WWOX: variants seen among roughly 807,000 people sequenced by gnomAD.
The protein encoded by WWOX is WW domain-containing oxidoreductase.
A neutral mutation model predicts 46.2 loss-of-function variants in WWOX; 69 were observed. The ratio of observed to expected loss-of-function variants is 1.49; its 90% CI spans 1.23 to 1.82. The LOEUF is 1.82. Ranked by LOEUF, WWOX falls within the 40% of genes most tolerant of loss-of-function variation. The probability of loss-of-function intolerance (pLI) is 0.00; values close to 1 mark genes in which losing one functional copy is unlikely to be tolerated. For synonymous variants in WWOX, 359 were observed against 202.6 expected (o/e 1.77, Z -6.56); for missense variants, 919 against 542.6 (o/e 1.69, Z -6.89).
chr16:78,612,298 A>G (rs937963043), intron 8 of WWOX, among the ~76,000 whole-genome samples: 1 of 152,174 alleles, frequency 6.6e-6, no homozygotes, highest in Non-Finnish European at 1.5e-5. Flanking sequence ...GTTGATTTCT[A>G]AAGGAGGTAA....
chr16:78,355,615 T>A, intron 5 of WWOX: 2 of 569,456 alleles, frequency 3.5e-6, no homozygotes, highest in Admixed American at 2.0e-5. Context: ...AGCGAATTTG[T>A]GTGAAAATGA....
At chr16:78,974,690 C>G (rs953280160) in intron 8 of WWOX, among the ~76,000 whole-genome samples, 4 of 152,162 alleles carry the variant, frequency 2.6e-5, no homozygotes, top group African/African-American at 9.7e-5. Flanking sequence ...CTGTGGCTAC[C>G]TAATGGTGTT....
intron 6 of WWOX, among the ~76,000 whole-genome samples, chr16:78,396,850 G>A (rs566494954): frequency 2.0e-5 from 3 of 152,158 alleles, no homozygotes; most frequent in African/African-American, 7.2e-5. Flanking sequence ...AAATAACTGG[G>A]TGTGGCTGTG....
At chr16:78,702,100 T>TTATATATATATATATATATA (rs72067397) in intron 8 of WWOX, among the ~76,000 whole-genome samples, 52 of 81,220 alleles carry the variant, frequency 6.4e-4, no homozygotes, top group African/African-American at 3.5e-3. Flanking sequence ...ATCTATAAAG[T>TTATATATATATATATATATA]TATATATATA....
intron 8 of WWOX, among the ~76,000 whole-genome samples, chr16:79,102,526 G>C (rs1043188750): frequency 6.6e-6 from 1 of 152,180 alleles, no homozygotes; most frequent in African/African-American, 2.4e-5. Context: ...ATTGTTAAAA[G>C]TTGCTGAAAC....
At chr16:78,365,597 A>T (rs2151916693) in intron 5 of WWOX, among the ~76,000 whole-genome samples, 1 of 152,308 alleles carries the variant, frequency 6.6e-6, no homozygotes, top group Middle Eastern at 3.4e-3. Context: ...TGTTGCTTGT[A>T]ATTCTTTCCA....
chr16:79,092,845 C>CA (rs2048991327), intron 8 of WWOX, among the ~76,000 whole-genome samples: 1 of 152,174 alleles, frequency 6.6e-6, no homozygotes, highest in South Asian at 2.1e-4. Flanking sequence ...TCAGGCCCCT[C>CA]AGCCCTCATA....
At chr16:79,013,622 T>G (rs1292514336) in intron 8 of WWOX, among the ~76,000 whole-genome samples, 1 of 152,088 alleles carries the variant, frequency 6.6e-6, no homozygotes, top group Non-Finnish European at 1.5e-5. Context: ...TTAGGTCCTG[T>G]GCTGCCTGGG....
chr16:79,057,297 G>T (rs1292081822), intron 8 of WWOX, among the ~76,000 whole-genome samples: 1 of 152,184 alleles, frequency 6.6e-6, no homozygotes, highest in East Asian at 1.9e-4. Flanking sequence ...CAGCATGGGG[G>T]CATGAATTGC....
At chr16:79,181,612 C>T (rs1567602678) in intron 8 of WWOX, among the ~76,000 whole-genome samples, 1 of 151,962 alleles carries the variant, frequency 6.6e-6, no homozygotes, top group Non-Finnish European at 1.5e-5. Flanking sequence ...CCAAAGTTTG[C>T]TTAACATCCC....
chr16:78,882,232 T>C (rs773298843), intron 8 of WWOX, among the ~76,000 whole-genome samples: 1 of 152,268 alleles, frequency 6.6e-6, no homozygotes, highest in Admixed American at 6.5e-5. Context: ...AACATGTGTA[T>C]AGTATGTTAT....
At chr16:79,120,293 T>C (rs987514188) in intron 8 of WWOX, among the ~76,000 whole-genome samples, 1 of 152,142 alleles carries the variant, frequency 6.6e-6, no homozygotes, top group East Asian at 1.9e-4. Context: ...CAGAGAGTCA[T>C]TCTCAAGGTA....
At chr16:78,880,774 A>T (rs2656616) in intron 8 of WWOX, among the ~76,000 whole-genome samples, 133,912 of 152,116 alleles carry the variant, frequency 0.88, 60,251 homozygotes, top group Non-Finnish European at 0.97. Flanking sequence ...TCAAAGAACT[A>T]ACTGTATCAA....
chr16:78,749,869 A>G (rs1391309997), intron 8 of WWOX, among the ~76,000 whole-genome samples: 1 of 152,162 alleles, frequency 6.6e-6, no homozygotes, highest in Non-Finnish European at 1.5e-5. Flanking sequence ...GTGGTTATTT[A>G]ATACCAAGTT....
At chr16:78,746,295 C>G (rs751370103) in intron 8 of WWOX, among the ~76,000 whole-genome samples, 1 of 152,088 alleles carries the variant, frequency 6.6e-6, no homozygotes, top group Non-Finnish European at 1.5e-5. Context: ...GCCAGGTGTT[C>G]AAGACCAGCC....
chr16:78,634,797 C>G (rs941071123), intron 8 of WWOX, among the ~76,000 whole-genome samples: 2 of 147,594 alleles, frequency 1.4e-5, no homozygotes, highest in Non-Finnish European at 3.0e-5. Flanking sequence ...AGTTTAGAGG[C>G]TCAGCACCCG....
In WWOX at chr16:78,723,553, CCTTCTTTTCTTTT is replaced by C. The variant is rs1379917460; in HGVS notation, c.1056+290805_1056+290817del. On this transcript the variant is annotated intron_variant, in intron 8 of 8. Transcript: ENST00000566780. ...ACACTTCTTCTACCTTGATTCCCAG[CCTTCTTTTCTTTT>C]CTTTTCTTTTCTTTTCTTTTCTTTT... 4.8e-5 allele frequency among the ~76,000 whole-genome samples: 7 copies of C among 145,210 alleles called. No individual in the cohort carries two copies. The East Asian group carries it at 8.4e-4, about 18-fold the overall frequency.
intron 1 of WWOX, 95 bp from the exon 2 acceptor site, chr16:78,108,328 C>A (rs2032280768): frequency 1.6e-6 from 2 of 1,251,956 alleles, no homozygotes; most frequent in Non-Finnish European, 2.3e-6. Flanking sequence ...CTTCTTATAT[C>A]TGGCTATCTG....
intron 8 of WWOX, among the ~76,000 whole-genome samples, chr16:78,461,522 C>T (rs949110350): frequency 1.3e-5 from 2 of 152,200 alleles, no homozygotes; most frequent in Admixed American, 6.5e-5. Flanking sequence ...AAAGGCAAGT[C>T]AAACAGATCC....
Sources: allele counts gnomAD v4.1 joint callset (sites outside exome capture counted in the v4.1 genomes callset), GRCh38; gene constraint gnomAD v4.1.1; transcripts MANE v1.5; gene names NCBI Gene and HGNC (gene_info 2026-07-23, HGNC 2026-07-21).